PHACTR1: variants seen among roughly 807,000 people sequenced by gnomAD.
PHACTR1 encodes RPEL repeat containing 1.
PHACTR1 carries 16 observed loss-of-function variants against 69.2 expected under a neutral mutation model. The ratio of observed to expected loss-of-function variants is 0.23; its 90% CI spans 0.16 to 0.35. The LOEUF (loss-of-function observed/expected upper bound fraction) is 0.35. Among genes scored for constraint, PHACTR1 ranks in the 10% least tolerant of loss-of-function variants. PHACTR1 has a pLI of 1.00. For missense variants in PHACTR1, 510 were observed against 734.7 expected, an observed-to-expected ratio of 0.69 and a Z score of 3.54; for synonymous variants, 312 against 284.5, an observed-to-expected ratio of 1.10 and a Z score of -0.97.
chr6:13,205,180 G>A (rs1765725173), intron 7 of PHACTR1, among the ~76,000 whole-genome samples: 1 of 152,116 alleles, frequency 6.6e-6, no homozygotes, highest in South Asian at 2.1e-4. Flanking sequence ...AGAGCACATG[G>A]CAAGAGAGGA....
At position 13,182,552 on chromosome 6, in the gene PHACTR1, C is replaced by T. The variant is rs1000968652; in HGVS notation, c.530C>T (p.Ser177Phe). The T allele has an allele frequency of 3.1e-6, 5 of 1,613,860 alleles. No homozygotes were observed. Among genetic ancestry groups the T allele is most frequent in the African/African-American group, 2.7e-5 (2 of 75,042 alleles). Residue 177 changes from serine to phenylalanine, a missense_variant, in exon 7 of 15, where the codon TCC becomes TTC. Ser to Phe is a radical substitution (Grantham distance 155, BLOSUM62 -2). Around this residue, in one of 2 missense-constraint regions of PHACTR1, gnomAD observed 419 missense variants for 530.9 expected, o/e 0.79. Transcript: ENST00000332995. ...GELSISNEED[S>F]LENGQSLSSS... ...CTCTCTATATCCAATGAAGAGGACT[C>T]CCTAGAAAATGGGCAGTCCCTGAGC... is the stretch of plus-strand genomic sequence containing the variant.
chr6:12,946,432 C>T (rs973345453), intron 4 of PHACTR1, among the ~76,000 whole-genome samples: 18 of 152,028 alleles, frequency 1.2e-4, no homozygotes, highest in Admixed American at 3.3e-4. Flanking sequence ...GAGATATGAG[C>T]GATTTGCAAA....
In PHACTR1 at chr6:12,921,770, G is replaced by A. The variant is rs868652927; in HGVS notation, c.251-131595G>A. Among the ~76,000 whole-genome samples, 110 of 134,686 alleles carry A rather than the reference G, an allele frequency of 8.2e-4. 2 individuals carry two copies. The highest frequency in any genetic ancestry group is 2.8e-3 in the African/African-American group (101 of 36,502). 88.4% of individuals were successfully genotyped at this position (134,686 alleles called of 152,430 possible). ...AGGAAAGGAAGGAAGGAAGAAGGAA[G>A]GGAGAGAAACAGGGAGGGAGGGAAG... On this transcript the variant is annotated intron_variant, in intron 4 of 14. Coordinates refer to ENST00000332995, the MANE Select transcript of PHACTR1 (RefSeq NM_030948.6).
intron 4 of PHACTR1, among the ~76,000 whole-genome samples, chr6:12,854,182 G>C (rs181363370): frequency 6.6e-6 from 1 of 152,266 alleles, no homozygotes; most frequent in Admixed American, 6.5e-5. Context: ...AAATCCTTTT[G>C]AGGGAAAGTA....
At chr6:13,119,919 A>T (rs927397530) in intron 5 of PHACTR1, among the ~76,000 whole-genome samples, 3 of 152,162 alleles carry the variant, frequency 2.0e-5, no homozygotes, top group Non-Finnish European at 2.9e-5. Context: ...TTTTCCTTGT[A>T]TGGAAACATC....
intron 4 of PHACTR1, among the ~76,000 whole-genome samples, chr6:12,909,310 A>G (rs1786097078): frequency 1.3e-5 from 2 of 152,190 alleles, no homozygotes; most frequent in Admixed American, 6.5e-5. Flanking sequence ...TGATCTTGCA[A>G]TAATAACGAT....
intron 4 of PHACTR1, among the ~76,000 whole-genome samples, chr6:12,831,749 T>C (rs1041903251): frequency 2.0e-5 from 3 of 152,142 alleles, no homozygotes; most frequent in Non-Finnish European, 4.4e-5. Flanking sequence ...TTCTTGGCTA[T>C]TTGGAGATAT....
At chr6:13,261,427 T>C (rs1775892894) in intron 10 of PHACTR1, among the ~76,000 whole-genome samples, 1 of 152,208 alleles carries the variant, frequency 6.6e-6, no homozygotes, top group African/African-American at 2.4e-5. Flanking sequence ...CCAGACTCTG[T>C]GCTAGGCTCT....
chr6:13,206,019 G>A lies in PHACTR1; in HGVS notation c.869G>A (p.Gly290Asp), dbSNP rs1765855618. ...CAGATCCAGCACCAGCTGCAGTACG[G>A]CAGCCACGGCCAGCACCTCCCCTCC... ...PSQIQHQLQY[G>D]SHGQHLPSTT... The change falls in exon 8 of 15, where the codon GGC (glycine) becomes GAC (aspartate). Residue 290 changes from glycine to aspartate, a missense_variant. Physicochemically the swap from Gly to Asp is moderately conservative, Grantham distance 94. This residue lies in a region of PHACTR1 where 419 missense variants were observed against 530.9 expected (regional missense o/e 0.79). Transcript: ENST00000332995. 1 of 1,613,568 alleles carries A rather than the reference G, an allele frequency of 6.2e-7. No individual in the cohort carries two copies. The highest frequency in any genetic ancestry group is 8.5e-7 in the Non-Finnish European group (1 of 1,179,830).
At chr6:13,005,067 C>A (rs1798618543) in intron 4 of PHACTR1, among the ~76,000 whole-genome samples, 2 of 151,856 alleles carry the variant, frequency 1.3e-5, no homozygotes, top group East Asian at 3.9e-4. Context: ...CTCAGATACA[C>A]CAGAAGCTCA....
intron 8 of PHACTR1, among the ~76,000 whole-genome samples, chr6:13,222,725 G>A (rs2127287520): frequency 6.6e-6 from 1 of 152,348 alleles, no homozygotes; most frequent in South Asian, 2.1e-4. Flanking sequence ...GGCAATGTCT[G>A]AAGATTGTTT....
At chr6:13,097,573 G>A (rs763915514) in intron 5 of PHACTR1, among the ~76,000 whole-genome samples, 14 of 152,254 alleles carry the variant, frequency 9.2e-5, no homozygotes, top group Admixed American at 2.6e-4. Flanking sequence ...ATTTAAAGCC[G>A]AAGAATGCCC....
intron 4 of PHACTR1, among the ~76,000 whole-genome samples, chr6:12,772,010 C>T (rs887897718): frequency 5.3e-5 from 8 of 152,164 alleles, no homozygotes; most frequent in African/African-American, 1.4e-4. Flanking sequence ...AAGCCGTAGA[C>T]GCCTAGTTTC....
chr6:13,113,373 A>G (rs529709961), intron 5 of PHACTR1, among the ~76,000 whole-genome samples: 81 of 152,202 alleles, frequency 5.3e-4, no homozygotes, highest in Non-Finnish European at 9.3e-4. Context: ...AACAAGTTTT[A>G]CCAGACTTCC....
At chr6:13,204,732 C>T (rs2113866575) in intron 7 of PHACTR1, among the ~76,000 whole-genome samples, 1 of 152,298 alleles carries the variant, frequency 6.6e-6, no homozygotes. Flanking sequence ...TCACTCCTGC[C>T]CCACTCGTGC....
chr6:13,061,081 C>T (rs1453262686), intron 5 of PHACTR1, among the ~76,000 whole-genome samples: 1 of 152,094 alleles, frequency 6.6e-6, no homozygotes, highest in East Asian at 1.9e-4. Context: ...CTTGGTGTTC[C>T]TTGGCTGGCA....
intron 5 of PHACTR1, among the ~76,000 whole-genome samples, chr6:13,141,294 C>G (rs966016332): frequency 1.3e-5 from 2 of 152,172 alleles, no homozygotes; most frequent in African/African-American, 4.8e-5. Flanking sequence ...CTCAAATCAA[C>G]TGGGGGTCAG....
chr6:12,975,360 T>C (rs2127586588), intron 4 of PHACTR1, among the ~76,000 whole-genome samples: 1 of 152,316 alleles, frequency 6.6e-6, no homozygotes, highest in Non-Finnish European at 1.5e-5. Flanking sequence ...GAAAGGGTGA[T>C]ATGTTAATAA....
intron 4 of PHACTR1, among the ~76,000 whole-genome samples, chr6:12,830,031 AAAG>A (rs1777273980): frequency 1.4e-5 from 2 of 146,078 alleles, no homozygotes; most frequent in Admixed American, 1.4e-4. Context: ...AGAAAGAAAG[AAAG>A]GAAAGAAAAG....
Sources: gnomAD v4.1 joint callset for allele counts (sites outside exome capture counted in the v4.1 genomes callset) on GRCh38, gnomAD v4.1.1 for gene constraint, gnomAD v4.1.1 regional missense constraint, MANE v1.5 for transcripts, NCBI Gene and HGNC (gene_info 2026-07-23, HGNC 2026-07-21) for gene names.